BRINP3: variants seen among roughly 807,000 people sequenced by gnomAD.
BRINP3 encodes BMP/retinoic acid-inducible neural-specific protein 3.
Under a neutral mutation model 71.0 loss-of-function variants are expected in BRINP3, and 19 were observed. The ratio of observed to expected loss-of-function variants is 0.27; its 90% CI spans 0.19 to 0.39. The LOEUF (loss-of-function observed/expected upper bound fraction) is 0.39. BRINP3 is among the 10% of genes least tolerant of loss of function. BRINP3 has a pLI of 1.00. For missense variants in BRINP3, 959 were observed against 940.8 expected, an observed-to-expected ratio of 1.02 and a Z score of -0.25; for synonymous variants, 380 against 337.7, an observed-to-expected ratio of 1.13 and a Z score of -1.37.
At chr1:190,137,951 T>G (rs183167563) in intron 7 of BRINP3, among the ~76,000 whole-genome samples, 2 of 149,102 alleles carry the variant, frequency 1.3e-5, no homozygotes, top group Non-Finnish European at 3.0e-5. Flanking sequence ...ACTTCCTAGT[T>G]TTTTTTTTTT....
At chr1:190,443,354 G>T (rs1299922046) in intron 2 of BRINP3, among the ~76,000 whole-genome samples, 1 of 150,476 alleles carries the variant, frequency 6.6e-6, no homozygotes, top group Non-Finnish European at 1.5e-5. Flanking sequence ...GCAGTGAGCC[G>T]AGATCGTGCC....
At chr1:190,421,409 T>A (rs1035862362) in intron 2 of BRINP3, among the ~76,000 whole-genome samples, 1 of 150,840 alleles carries the variant, frequency 6.6e-6, no homozygotes, top group African/African-American at 2.4e-5. Flanking sequence ...ACTGATAAAC[T>A]GTTGAAGATG....
In BRINP3 at chr1:190,114,603, T is replaced by G. The variant is rs556544098; in HGVS notation, c.1185-15469A>C. On this transcript the variant is annotated intron_variant, in intron 7 of 7. Transcript: ENST00000367462. ...TTCTACTGGTCTCTTCTAAATACATTGTAATTATATTACACCAAAGTAGGA... is the reference window on the plus strand; with the variant it reads ...TTCTACTGGTCTCTTCTAAATACATGGTAATTATATTACACCAAAGTAGGA... 6.0e-4 allele frequency among the ~76,000 whole-genome samples: 91 copies of G among 151,638 alleles called. 3 individuals carry two copies. In the South Asian group the frequency reaches 0.012, roughly 20 times the overall value.
chr1:190,126,323 C>T (rs1654084297), intron 7 of BRINP3, among the ~76,000 whole-genome samples: 1 of 151,798 alleles, frequency 6.6e-6, no homozygotes, highest in South Asian at 2.1e-4. Flanking sequence ...CTGCACTTCC[C>T]ATATGTTCAC....
chr1:190,437,317 G>A (rs1192826241), intron 2 of BRINP3, among the ~76,000 whole-genome samples: 1 of 151,706 alleles, frequency 6.6e-6, no homozygotes, highest in East Asian at 1.9e-4. Flanking sequence ...CAGCCTCCAT[G>A]CAAACAACCT....
At chr1:190,136,032 T>TGAG (rs1217384877) in intron 7 of BRINP3, among the ~76,000 whole-genome samples, 8 of 152,106 alleles carry the variant, frequency 5.3e-5, no homozygotes, top group Admixed American at 2.0e-4. Context: ...CTAAGGTGTG[T>TGAG]GAGTGTATTT....
chr1:190,429,539 A>G (rs1424992124), intron 2 of BRINP3, among the ~76,000 whole-genome samples: 1 of 151,432 alleles, frequency 6.6e-6, no homozygotes, highest in African/African-American at 2.4e-5. Flanking sequence ...TATTATTCTA[A>G]TTGTATCAAG....
intron 6 of BRINP3, among the ~76,000 whole-genome samples, chr1:190,166,912 A>G (rs1027813959): frequency 1.3e-5 from 2 of 151,868 alleles, no homozygotes; most frequent in Admixed American, 6.6e-5. Flanking sequence ...TTTAGTAGAG[A>G]CGGGGATTCA....
At position 190,368,605 on chromosome 1, in the gene BRINP3, G is replaced by A. The variant is rs552643177; in HGVS notation, c.236+86050C>T. ...TTTAAGATTAAACAAGTTTTATTTT[G>A]GGTCTGAAGAGACTCCCCAGGCTTC... On this transcript the variant is annotated intron_variant, in intron 2 of 7. Coordinates refer to ENST00000367462, the MANE Select transcript of BRINP3 (RefSeq NM_199051.3). 2.0e-5 allele frequency among the ~76,000 whole-genome samples: 3 copies of A among 152,094 alleles called. No homozygotes were observed. In the South Asian group the frequency reaches 6.2e-4, roughly 32 times the overall value.
chr1:190,460,691 G>A (rs1454431466), intron 1 of BRINP3, among the ~76,000 whole-genome samples: 1 of 152,144 alleles, frequency 6.6e-6, no homozygotes, highest in Non-Finnish European at 1.5e-5. Flanking sequence ...ACTGCCTGTG[G>A]CCATTTCTGT....
At chr1:190,250,313 C>A (rs1022612460) in intron 4 of BRINP3, among the ~76,000 whole-genome samples, 1 of 151,814 alleles carries the variant, frequency 6.6e-6, no homozygotes, top group African/African-American at 2.4e-5. Flanking sequence ...TTATTTAATT[C>A]CCTGAGCAAA....
intron 4 of BRINP3, among the ~76,000 whole-genome samples, chr1:190,249,796 T>C (rs915626835): frequency 3.3e-5 from 5 of 151,864 alleles, no homozygotes; most frequent in African/African-American, 4.8e-5. Flanking sequence ...TACTGATGCA[T>C]GTCACAAAAG....
chr1:190,362,167 T>G (rs932170791), intron 2 of BRINP3: 4 of 152,196 alleles, frequency 2.6e-5, no homozygotes, highest in African/African-American at 4.8e-5. Context: ...TCCAGATTTC[T>G]GAAGAACTTC....
rs1277281255 is a variant in BRINP3 at position 190,097,958 on chromosome 1, G to C, written c.*60C>G. On this transcript the variant is annotated 3_prime_UTR_variant, in exon 8 of 8. Transcript: ENST00000367462. ...AAATTTACTCTTCCAAACATAAACT[G>C]TTCCACAAAAGCACTGTAAAAACTC... is the stretch of plus-strand genomic sequence containing the variant. The C allele has an allele frequency of 1.3e-5, 20 of 1,489,508 alleles. No homozygotes were observed. The East Asian group carries it at 2.0e-4, about 15-fold the overall frequency. The allele number at this position is 1,489,508 out of a possible 1,614,324, so 92.3% of individuals were successfully genotyped here. A position where few individuals can be genotyped will look rare whatever the true frequency, so the allele number is the denominator to read the frequency against.
chr1:190,296,911 A>T (rs1664293963), intron 2 of BRINP3, among the ~76,000 whole-genome samples: 1 of 152,034 alleles, frequency 6.6e-6, no homozygotes, highest in South Asian at 2.1e-4. Context: ...AAGAACACAT[A>T]AAAAAATGAA....
chr1:190,442,085 C>CA (rs1188496719), intron 2 of BRINP3, among the ~76,000 whole-genome samples: 5 of 151,774 alleles, frequency 3.3e-5, no homozygotes, highest in African/African-American at 9.7e-5. Context: ...ACGATCACTG[C>CA]AAAAAAGGAT....
chr1:190,402,526 GCCATTAAAA>G (rs1364265111), intron 2 of BRINP3, among the ~76,000 whole-genome samples: 1 of 152,026 alleles, frequency 6.6e-6, no homozygotes. Flanking sequence ...AGTCTGCTTT[GCCATTAAAA>G]CCACCGTGTC....
intron 2 of BRINP3, among the ~76,000 whole-genome samples, chr1:190,426,029 T>C (rs1394359559): frequency 6.6e-6 from 1 of 151,848 alleles, no homozygotes; most frequent in Non-Finnish European, 1.5e-5. Context: ...AATTATATTT[T>C]GATATGAATA....
chr1:190,182,742 T>C (rs1354437478), intron 6 of BRINP3, among the ~76,000 whole-genome samples: 1 of 152,076 alleles, frequency 6.6e-6, no homozygotes, highest in Non-Finnish European at 1.5e-5. Context: ...ATATTTAGCA[T>C]GAGGAAAACC....
Sources: gnomAD v4.1 joint callset for allele counts (sites outside exome capture counted in the v4.1 genomes callset) on GRCh38, gnomAD v4.1.1 for gene constraint, MANE v1.5 for transcripts, NCBI Gene and HGNC (gene_info 2026-07-23, HGNC 2026-07-21) for gene names.